SUN1: variants seen among roughly 807,000 people sequenced by gnomAD.
SUN1 encodes Sad1 and UNC84 domain containing 1, also known as SUN domain-containing protein 1.
Under a neutral mutation model 103.2 loss-of-function variants are expected in SUN1, and 61 were observed. That is an observed-to-expected ratio of 0.59 (90% confidence interval 0.48 to 0.73). The LOEUF (loss-of-function observed/expected upper bound fraction) is 0.73. Ranked by LOEUF, SUN1 falls within the 30% of genes least tolerant of loss-of-function variation. SUN1 has a pLI of 0.00. For missense variants in SUN1, 1,052 were observed against 1,034.6 expected, an observed-to-expected ratio of 1.02 and a Z score of -0.23; for synonymous variants, 490 against 425.7, an observed-to-expected ratio of 1.15 and a Z score of -1.86.
chr7:859,354 A>G (rs1489110753), intron 13 of SUN1, among the ~76,000 whole-genome samples: 1 of 152,086 alleles, frequency 6.6e-6, no homozygotes, highest in Non-Finnish European at 1.5e-5. Context: ...CCTCTGGGGG[A>G]AAATCTTAGG....
At chr7:869,306 A>C in intron 16 of SUN1, 43 bp from the exon 17 acceptor site, 1 of 1,596,350 alleles carries the variant, frequency 6.3e-7, no homozygotes, top group African/African-American at 1.3e-5. Flanking sequence ...AGTGGGTAAG[A>C]GCATGCTCAC....
intron 12 of SUN1, among the ~76,000 whole-genome samples, chr7:857,625 A>G (rs533241958): frequency 6.6e-6 from 1 of 152,340 alleles, no homozygotes; most frequent in South Asian, 2.1e-4. Flanking sequence ...TATGTTACAG[A>G]CATAAACTGA....
At chr7:834,109 G>A (rs1045032415) in intron 1 of SUN1, among the ~76,000 whole-genome samples, 5 of 151,802 alleles carry the variant, frequency 3.3e-5, no homozygotes, top group African/African-American at 1.2e-4. Flanking sequence ...TGGTGGGCAG[G>A]GGCTGGCTGG....
In SUN1 at chr7:861,356, C is replaced by T. The variant is rs762956937; in HGVS notation, c.1780-24C>T. ...CTCCTCTCCTGTTCTGGTGTTTGGT[C>T]TTCCGTCCCTCGTGTCTGTCCAGCA... On this transcript the variant is annotated intron_variant, in intron 14 of 18. Coordinates refer to ENST00000401592, the MANE Select transcript of SUN1 (RefSeq NM_001130965.3). The T allele has an allele frequency of 8.1e-6, 13 of 1,613,718 alleles. No homozygotes were observed. In the South Asian group the frequency reaches 1.4e-4, roughly 18 times the overall value.
chr7:823,384 G>A (rs1278721379), intron 1 of SUN1, among the ~76,000 whole-genome samples: 1 of 152,228 alleles, frequency 6.6e-6, no homozygotes, highest in African/African-American at 2.4e-5. Flanking sequence ...TGAACATTAA[G>A]TGTGAGGAGA....
upstream of SUN1, chr7:832,362 C>T (rs1452336087): frequency 8.2e-6 from 6 of 729,976 alleles, no homozygotes; most frequent in Non-Finnish European, 7.2e-6. Context: ...GTTTAGAAAA[C>T]ACTGCTGCTG....
intron 15 of SUN1, among the ~76,000 whole-genome samples, chr7:863,806 GCT>G (rs1287307588): frequency 6.6e-6 from 1 of 152,148 alleles, no homozygotes; most frequent in Non-Finnish European, 1.5e-5. Flanking sequence ...ATTTGGAGTA[GCT>G]CTCTCTCTAG....
intron 5 of SUN1, chr7:849,861 C>A (rs2128363306): frequency 6.6e-7 from 1 of 1,522,760 alleles, no homozygotes; most frequent in Non-Finnish European, 8.9e-7. Flanking sequence ...CTATGCACGG[C>A]TGAGATGGAC....
intron 17 of SUN1, 50 bp from the exon 18 acceptor site, chr7:872,420 T>C (rs1165721719): frequency 6.8e-7 from 1 of 1,480,078 alleles, no homozygotes; most frequent in Non-Finnish European, 9.3e-7. Flanking sequence ...TCCTCTCTGC[T>C]CAGTGTTATT....
At chr7:867,295 C>T (rs552998077) in intron 16 of SUN1, among the ~76,000 whole-genome samples, 10 of 152,272 alleles carry the variant, frequency 6.6e-5, no homozygotes, top group African/African-American at 1.7e-4. Context: ...CACAGCCCTG[C>T]GCTTGGCATG....
rs1276964921 is a variant in SUN1 at position 826,301 on chromosome 7, C to CCCCGGTCTGGGGTGGTTTGACAAT, written c.-74+9630_-74+9631insCGGTCTGGGGTGGTTTGACAATCC. Among the ~76,000 whole-genome samples the CCCCGGTCTGGGGTGGTTTGACAAT allele has an allele frequency of 2.1e-3, 320 of 152,252 alleles. 4 individuals carry two copies. Among genetic ancestry groups the CCCCGGTCTGGGGTGGTTTGACAAT allele is most frequent in the African/African-American group, 7.1e-3 (295 of 41,554 alleles). On this transcript the variant is annotated intron_variant, in intron 1 of 17. Transcript: ENST00000389574. ...TGTCAGGCTAGCTGCCGTTTGACAA[C>CCCCGGTCTGGGGTGGTTTGACAAT]CCTGGTCTGGGGTGCTTAAGGATGA...
chr7:860,650 A>T (rs1055122262), intron 14 of SUN1, among the ~76,000 whole-genome samples: 18 of 152,198 alleles, frequency 1.2e-4, no homozygotes, highest in African/African-American at 3.9e-4. Context: ...TTTTGTCCCA[A>T]AGAGCCCATC....
intron 3 of SUN1, 27 bp downstream of exon 3, chr7:842,157 C>T: frequency 6.2e-7 from 1 of 1,602,792 alleles, no homozygotes; most frequent in Non-Finnish European, 8.5e-7. Flanking sequence ...CACAGATTGT[C>T]CCGCCTACAG....
chr7:820,234 G>A (rs1325422095), intron 1 of SUN1, among the ~76,000 whole-genome samples: 3 of 152,156 alleles, frequency 2.0e-5, no homozygotes, highest in African/African-American at 7.2e-5. Context: ...ATTTATGTAG[G>A]TTGTCTTTAA....
At chr7:856,800 G>A (rs933872225) in intron 12 of SUN1, among the ~76,000 whole-genome samples, 11 of 152,196 alleles carry the variant, frequency 7.2e-5, no homozygotes, top group African/African-American at 2.7e-4. Context: ...TGGCATCTAG[G>A]TGGGCGGGGT....
intron 17 of SUN1, among the ~76,000 whole-genome samples, chr7:869,991 C>T (rs1340156021): frequency 2.0e-5 from 3 of 150,048 alleles, no homozygotes; most frequent in Admixed American, 6.7e-5. Flanking sequence ...GTCGGGAGTT[C>T]GAGACCAGCC....
At position 853,566 on chromosome 7, in the gene SUN1, C is replaced by A. The variant is rs779899978; in HGVS notation, c.1211C>A (p.Ala404Asp). ...CGGGTGGACCAGATGGAAGGCGGCGCTGCCGGGCCGTCAGCTTCGGTCAGA... is the reference window on the plus strand; with the variant it reads ...CGGGTGGACCAGATGGAAGGCGGCGATGCCGGGCCGTCAGCTTCGGTCAGA... ...QARVDQMEGG[A>D]AGPSASVRDA... The change falls in exon 10 of 19, where the codon GCT becomes GAT. Residue 404 changes from alanine (A) to aspartate (D), a missense_variant. Coordinates refer to ENST00000401592, the MANE Select transcript of SUN1 (RefSeq NM_001130965.3). 2.5e-6 allele frequency: 4 copies of A among 1,610,792 alleles called. No individual in the cohort carries two copies. Among genetic ancestry groups the A allele is most frequent in the Non-Finnish European group, 3.4e-6 (4 of 1,179,998 alleles).
chr7:864,977 C>G (rs1835299641), intron 15 of SUN1, among the ~76,000 whole-genome samples: 1 of 151,952 alleles, frequency 6.6e-6, no homozygotes, highest in Admixed American at 6.6e-5. Context: ...TTTCCCTGAG[C>G]CCCAACTCCC....
intron 10 of SUN1, among the ~76,000 whole-genome samples, chr7:854,296 G>A (rs1048120426): frequency 3.9e-5 from 6 of 152,242 alleles, no homozygotes; most frequent in Non-Finnish European, 5.9e-5. Context: ...CCTCCGAGGC[G>A]GTGCGCGCAG....
Sources: allele counts gnomAD v4.1 joint callset (sites outside exome capture counted in the v4.1 genomes callset), GRCh38; gene constraint gnomAD v4.1.1; transcripts MANE v1.5; gene names NCBI Gene and HGNC (gene_info 2026-07-23, HGNC 2026-07-21).